ALAD: variants seen among roughly 807,000 people sequenced by gnomAD.
The protein encoded by ALAD is aminolevulinate dehydratase, also known as delta-aminolevulinic acid dehydratase.
A neutral mutation model predicts 44.4 loss-of-function variants in ALAD; 20 were observed. That is an observed-to-expected ratio of 0.45 (90% CI 0.32 to 0.65). The LOEUF is 0.65. Among genes scored for constraint, ALAD ranks in the 30% least tolerant of loss-of-function variants. The pLI is 0.05. For synonymous variants in ALAD, 156 were observed against 167.9 expected (o/e 0.93, Z 0.55); for missense variants, 323 against 445.7 (o/e 0.72, Z 2.48).
chr9:113,389,398 C>T, intron 10 of ALAD, 40 bp downstream of exon 10: 1 of 1,608,222 alleles, frequency 6.2e-7, no homozygotes, highest in Non-Finnish European at 8.5e-7. Context: ...AAACTCTGTC[C>T]CAGCCCCCTG....
intron 1 of ALAD, among the ~76,000 whole-genome samples, chr9:113,393,975 G>A (rs1827664594): frequency 6.7e-6 from 1 of 148,568 alleles, no homozygotes; most frequent in Non-Finnish European, 1.5e-5. Context: ...CAGGGTCTCT[G>A]TCGCCCAGGC....
Position 113,386,922 on chromosome 9 carries a change from A to G in ALAD, c.*1378T>C, listed in dbSNP as rs1455626159. Reference sequence around the variant, plus strand: ...AAGCCAGATTCATCCTTCACATCGAATCTACCTTCTAAACACATCCACAAT... The same window carrying G: ...AAGCCAGATTCATCCTTCACATCGAGTCTACCTTCTAAACACATCCACAAT... On this transcript the variant is annotated 3_prime_UTR_variant, in exon 12 of 12. Transcript: ENST00000409155. The G allele has an allele frequency of 6.6e-6, 1 of 152,104 alleles. No homozygotes were observed. Among genetic ancestry groups the G allele is most frequent in the African/African-American group, 2.4e-5 (1 of 41,390 alleles). The allele number at this position is 152,104 out of a possible 1,614,324, so 9.4% of individuals were successfully genotyped here. A position where few individuals can be genotyped will look rare whatever the true frequency, so the allele number is the denominator to read the frequency against.
Position 113,390,670 on chromosome 9 carries a change from A to T in ALAD, c.404T>A (p.Leu135Gln), listed in dbSNP as rs748513093. 1 of 1,613,942 alleles carries T rather than the reference A, an allele frequency of 6.2e-7. No homozygotes were observed. The highest frequency in any genetic ancestry group is 2.2e-5 in the East Asian group (1 of 44,858). ...PYTSHGHCGL[L>Q]SENGAFRAEE... The stretch of plus-strand genomic sequence containing the variant: ...AGCCCGGAATGCTCCGTTTTCACTC[A>T]GGAGCCCTTCAGGACAGATGACTGG... The change falls in exon 6 of 12, where the codon CTG becomes CAG. Residue 135 changes from leucine to glutamine, a missense_variant. Coordinates refer to ENST00000409155, the MANE Select transcript of ALAD (RefSeq NM_000031.6).
chr9:113,400,009 G>A (rs1333926327), intron 1 of ALAD, among the ~76,000 whole-genome samples: 1 of 152,198 alleles, frequency 6.6e-6, no homozygotes, highest in East Asian at 1.9e-4. Context: ...CTAGACACAG[G>A]GATTAAAGAG....
At chr9:113,388,827 C>T (rs1827480173) in intron 11 of ALAD, 150 bp downstream of exon 11, 1 of 1,300,494 alleles carries the variant, frequency 7.7e-7, no homozygotes, top group Admixed American at 1.9e-5. Context: ...TGCTGCAGTT[C>T]CATATCTCTT....
chr9:113,390,972 A>G lies in ALAD; in HGVS notation c.262-39T>C, dbSNP rs144372841. On this transcript the variant is annotated intron_variant, in intron 4 of 11. Coordinates refer to ENST00000409155, the MANE Select transcript of ALAD (RefSeq NM_000031.6). ...AGGGACAAAGCAGTGTGTCTATTAC[A>G]TGTAGCTTTGGAAGGCAGGATGACA... The G allele has an allele frequency of 2.7e-4, 435 of 1,612,804 alleles. 1 individual carries two copies. The African/African-American group carries it at 5.1e-3, about 19-fold the overall frequency.
In ALAD at chr9:113,386,681, T is replaced by C. The variant is rs561097691; in HGVS notation, c.*1619A>G. On this transcript the variant is annotated 3_prime_UTR_variant, in exon 12 of 12. Transcript: ENST00000409155. ...TGGAGTTGGACTACATGGGTTCAAA[T>C]CCCAGCTTGGCTGTTTTCTGTGCAG... 2.6e-4 allele frequency: 40 copies of C among 152,350 alleles called. No individual in the cohort carries two copies. Among genetic ancestry groups the C allele is most frequent in the African/African-American group, 9.1e-4 (38 of 41,582 alleles). The allele number at this position is 152,350 out of a possible 1,614,324, so 9.4% of individuals were successfully genotyped here.
Position 113,389,646 on chromosome 9 carries a change from A to G in ALAD, c.667T>C (p.Cys223Arg), listed in dbSNP as rs920234618. The G allele has an allele frequency of 6.2e-7, 1 of 1,614,202 alleles. No homozygotes were observed. Among genetic ancestry groups the G allele is most frequent in the African/African-American group, 1.3e-5 (1 of 75,078 alleles). Reference sequence around the variant, plus strand: ...CGTGCTCCAGGGGGCAGCTGGTAGCAGCGGCGGTCCCCAAAAGCTGGGCTT... The same window carrying G: ...CGTGCTCCAGGGGGCAGCTGGTAGCGGCGGCGGTCCCCAAAAGCTGGGCTT... ...KSSPAFGDRR[C>R]YQLPPGARGL... The change falls in exon 9 of 12, where the codon TGC becomes CGC. Residue 223 changes from cysteine to arginine, a missense_variant. By Grantham distance (180) the Cys-to-Arg change is radical. Transcript: ENST00000409155.
intron 1 of ALAD, chr9:113,397,340 AG>A (rs1827757236): frequency 6.6e-6 from 1 of 152,116 alleles, no homozygotes; most frequent in Non-Finnish European, 1.5e-5. Context: ...TTCTCCCCAT[AG>A]TCTCTTAGGC....
Position 113,387,293 on chromosome 9 carries a change from C to G in ALAD, c.*1007G>C, listed in dbSNP as rs8177823. On this transcript the variant is annotated 3_prime_UTR_variant, in exon 12 of 12. Transcript: ENST00000409155. ...ACCCTTCAGGTCTAGGCTCAAATGT[C>G]AGTCCTTCAGGGAAGTATTTTCTGA... 2.0e-5 allele frequency: 3 copies of G among 152,244 alleles called. No individual in the cohort carries two copies. Among genetic ancestry groups the G allele is most frequent in the Admixed American group, 1.3e-4 (2 of 15,282 alleles). 9.4% of individuals were successfully genotyped at this position (152,244 alleles called of 1,614,324 possible).
rs1827732659 is a variant in ALAD, at chr9:113,396,518, GGAGGATGGCTGTGGACTGTTTT to G, written c.-75-2906_-75-2885del. 2.0e-5 allele frequency: 3 copies of G among 152,944 alleles called. No individual in the cohort carries two copies. In the South Asian group the frequency reaches 6.2e-4, roughly 32 times the overall value. 9.5% of individuals were successfully genotyped at this position (152,944 alleles called of 1,614,324 possible). A position where few individuals can be genotyped will look rare whatever the true frequency, so the allele number is the denominator to read the frequency against. On this transcript the variant is annotated intron_variant, in intron 1 of 11. Transcript: ENST00000409155. ...GGAAGAAAGGGGCAAAGGTGGGGAA[GGAGGATGGCTGTGGACTGTTTT>G]GAGGAGCTGAGGCAAGTGTGTATGG... is the stretch of plus-strand genomic sequence containing the variant.
At chr9:113,392,246 T>C (rs757469910) in intron 2 of ALAD, 77 bp from the exon 3 acceptor site, 9 of 1,609,370 alleles carry the variant, frequency 5.6e-6, no homozygotes, top group Non-Finnish European at 7.6e-6. Context: ...AGAGGGATGG[T>C]TGGGAAGCAG....
At position 113,388,343 on chromosome 9, in the gene ALAD, G is replaced by A. The variant is rs1827465069; in HGVS notation, c.950C>T (p.Thr317Ile). The A allele has an allele frequency of 6.2e-7, 1 of 1,614,100 alleles. No individual in the cohort carries two copies. The highest frequency in any genetic ancestry group is 8.5e-7 in the Non-Finnish European group (1 of 1,180,036). ...CTGCAGCAGCTGCGGTGTGTAGTAG[G>A]TGATGATGATGTCAGCACCTGTGTT... ...FRRAGADIII[T>I]YYTPQLLQWL... The change falls in exon 12 of 12, where the codon ACC becomes ATC. Residue 317 changes from threonine to isoleucine, a missense_variant. Transcript: ENST00000409155.
rs190497588 is a variant in ALAD, at chr9:113,389,635, C to A, written c.678G>T (p.Leu226=). 138 of 1,614,190 alleles carry A rather than the reference C, an allele frequency of 8.5e-5. No individual in the cohort carries two copies. In the East Asian group the frequency reaches 2.8e-3, roughly 33 times the overall value. ...GAGCCAGGCCTCGTGCTCCAGGGGG[C>A]AGCTGGTAGCAGCGGCGGTCCCCAA... ...PAFGDRRCYQ[L]PPGARGLALR... Residue 226 remains leucine, a synonymous_variant, in exon 9 of 12, where the codon CTG becomes CTT. Transcript: ENST00000409155.
At chr9:113,395,145 C>T (rs535992927) in intron 1 of ALAD, among the ~76,000 whole-genome samples, 1 of 152,212 alleles carries the variant, frequency 6.6e-6, no homozygotes, top group Admixed American at 6.5e-5. Context: ...AAAATAGTAC[C>T]ATTCATGTTA....
chr9:113,393,569 C>T lies in ALAD; in HGVS notation c.-10G>A, dbSNP rs1827654294. The stretch of plus-strand genomic sequence containing the variant: ...CGGACTGGGGCTGCATGGCGTGGGC[C>T]AGTGGGCACAGGGGCATCAGTTGGT... On this transcript the variant is annotated 5_prime_UTR_variant, in exon 2 of 12. Coordinates refer to ENST00000409155, the MANE Select transcript of ALAD (RefSeq NM_000031.6). 2 of 1,610,444 alleles carry T rather than the reference C, an allele frequency of 1.2e-6. No homozygotes were observed. Among genetic ancestry groups the T allele is most frequent in the Non-Finnish European group, 1.7e-6 (2 of 1,177,742 alleles).
Position 113,388,146 on chromosome 9 carries a change from CA to C in ALAD, c.*153del. On this transcript the variant is annotated 3_prime_UTR_variant, in exon 12 of 12. Transcript: ENST00000409155. ...CGAGTTACAAGAGTTAGCATGCTGG[CA>C]AAACCACCCAGGGCTGCTGGGCCCC... The C allele has an allele frequency of 1.2e-6, 1 of 805,016 alleles. No homozygotes were observed. Among genetic ancestry groups the C allele is most frequent in the Non-Finnish European group, 2.1e-6 (1 of 474,962 alleles). 49.9% of individuals were successfully genotyped at this position (805,016 alleles called of 1,614,324 possible).
chr9:113,389,344 T>A, intron 10 of ALAD, 94 bp downstream of exon 10: 2 of 1,496,878 alleles, frequency 1.3e-6, no homozygotes, highest in Non-Finnish European at 9.3e-7. Context: ...GATGCATGCT[T>A]AAGGGCAAAC....
At chr9:113,392,444 A>T in intron 2 of ALAD, 3 of 891,232 alleles carry the variant, frequency 3.4e-6, no homozygotes, top group Non-Finnish European at 4.6e-6. Flanking sequence ...TGGACTCTGA[A>T]TTTGGCAGGT....
Sources: allele counts gnomAD v4.1 joint callset (sites outside exome capture counted in the v4.1 genomes callset), GRCh38; gene constraint gnomAD v4.1.1; transcripts MANE v1.5; gene names NCBI Gene and HGNC (gene_info 2026-07-23, HGNC 2026-07-21).